The following SLC38A6 variants were observed in gnomAD, a reference collection of about 807,000 sequenced individuals.
SLC38A6 encodes the protein solute carrier family 38 member 6.
Under a neutral mutation model 65.0 loss-of-function variants are expected in SLC38A6, and 73 were observed. That is an observed-to-expected ratio of 1.12 (90% CI 0.93 to 1.37). SLC38A6 has a LOEUF of 1.37. Ranked by LOEUF, SLC38A6 falls within the 40% of genes most tolerant of loss-of-function variation. The pLI, the probability that SLC38A6 is intolerant of heterozygous loss-of-function variation, is 0.00. For missense variants in SLC38A6, 561 were observed against 531.1 expected, an observed-to-expected ratio of 1.06 and a Z score of -0.55; for synonymous variants, 183 against 178.8, an observed-to-expected ratio of 1.02 and a Z score of -0.19.
chr14:61,037,563 T>G (rs190708045), intron 7 of SLC38A6, 62 bp from the exon 8 acceptor site: 295 of 1,168,630 alleles, frequency 2.5e-4, no homozygotes, highest in Non-Finnish European at 3.5e-4. Context: ...ATGTATAGCT[T>G]TAGTTGTACG....
chr14:61,014,797 G>C lies in SLC38A6; in HGVS notation c.311-1107G>C, dbSNP rs140851871. 3.9e-3 allele frequency among the ~76,000 whole-genome samples: 600 copies of C among 152,302 alleles called. 9 individuals carry two copies. The highest frequency in any genetic ancestry group is 0.014 in the African/African-American group (581 of 41,580). On this transcript the variant is annotated intron_variant, in intron 3 of 15. Transcript: ENST00000267488. ...TGTGAGGTGTCAGTCTGCCCCTACA[G>C]GGGGGTGCCTCCCAGTTAGGCTCCT...
intron 15 of SLC38A6, among the ~76,000 whole-genome samples, chr14:61,062,200 C>T (rs2042872026): frequency 6.6e-6 from 1 of 152,298 alleles, no homozygotes; most frequent in Non-Finnish European, 1.5e-5. Context: ...ACAGTTCCTA[C>T]ACTGTATGGT....
chr14:61,040,464 C>T (rs1045312178), intron 8 of SLC38A6, among the ~76,000 whole-genome samples: 4 of 151,308 alleles, frequency 2.6e-5, no homozygotes, highest in African/African-American at 4.9e-5. Flanking sequence ...CTCAGCCTCA[C>T]GAGTAGCTGG....
intron 3 of SLC38A6, among the ~76,000 whole-genome samples, chr14:61,011,044 C>A (rs1234571604): frequency 6.6e-6 from 1 of 152,096 alleles, no homozygotes; most frequent in East Asian, 1.9e-4. Context: ...TTGTTTGTAT[C>A]TTCTTTTATT....
At chr14:61,012,734 C>G (rs2039676875) in intron 3 of SLC38A6, among the ~76,000 whole-genome samples, 1 of 151,712 alleles carries the variant, frequency 6.6e-6, no homozygotes, top group Admixed American at 6.6e-5. Flanking sequence ...TTTGATTGCA[C>G]TGTGGTCTGA....
chr14:61,020,765 A>G (rs536464193), intron 5 of SLC38A6, among the ~76,000 whole-genome samples: 11 of 152,306 alleles, frequency 7.2e-5, no homozygotes, highest in African/African-American at 2.6e-4. Context: ...TAATTTATTT[A>G]GCAACTAAGT....
chr14:61,021,960 G>T (rs1312206090), intron 5 of SLC38A6, among the ~76,000 whole-genome samples: 1 of 152,088 alleles, frequency 6.6e-6, no homozygotes, highest in African/African-American at 2.4e-5. Flanking sequence ...CTCTGCCATT[G>T]GGTAGCCATG....
downstream of SLC38A6, among the ~76,000 whole-genome samples, chr14:61,053,180 A>G (rs1438926479): frequency 6.6e-6 from 1 of 151,984 alleles, no homozygotes; most frequent in Admixed American, 6.6e-5. Context: ...CTCCACCTCC[A>G]TCCATGTTCC....
rs146468840 is a variant in SLC38A6 at position 61,011,032 on chromosome 14, A to G, written c.311-4872A>G. On this transcript the variant is annotated intron_variant, in intron 3 of 15. Transcript: ENST00000267488. Reference sequence around the variant, plus strand: ...ACCCATGCGCATGGAATGTTCTTCCATTTGTTTGTATCTTCTTTTATTTCA... The same window carrying G: ...ACCCATGCGCATGGAATGTTCTTCCGTTTGTTTGTATCTTCTTTTATTTCA... Among the ~76,000 whole-genome samples the G allele has an allele frequency of 1.2e-3, 180 of 152,094 alleles. No individual in the cohort carries two copies. The East Asian group carries it at 0.023, about 19-fold the overall frequency.
chr14:60,982,687 A>G, intron 2 of SLC38A6, 49 bp downstream of exon 2: 5 of 1,566,656 alleles, frequency 3.2e-6, no homozygotes, highest in Non-Finnish European at 4.3e-6. Flanking sequence ...TTTTGATAAT[A>G]TACGGAGAAG....
chr14:61,073,215 T>G (rs1379124036), intron 15 of SLC38A6, among the ~76,000 whole-genome samples: 1 of 152,236 alleles, frequency 6.6e-6, no homozygotes, highest in African/African-American at 2.4e-5. Context: ...TTTTGCCCAT[T>G]TTTTGATTGG....
At chr14:61,016,055 A>G in intron 4 of SLC38A6, 99 bp downstream of exon 4, 1 of 812,882 alleles carries the variant, frequency 1.2e-6, no homozygotes, top group African/African-American at 1.7e-5. Context: ...GGAAGACATT[A>G]GAGGAATAAA....
intron 3 of SLC38A6, among the ~76,000 whole-genome samples, chr14:61,011,259 A>C (rs1051756534): frequency 3.3e-5 from 5 of 152,214 alleles, no homozygotes; most frequent in African/African-American, 1.2e-4. Flanking sequence ...GAAGTTGCCT[A>C]TCAGCTTAAG....
rs763570997 is a variant in SLC38A6 at position 61,050,578 on chromosome 14, CTG to C, written c.995_996del (p.Val332GlufsTer58). 5 of 1,598,004 alleles carry C rather than the reference CTG, an allele frequency of 3.1e-6. No individual in the cohort carries two copies. Among genetic ancestry groups the C allele is most frequent in the East Asian group, 4.5e-5 (2 of 44,604 alleles). On this transcript the variant is annotated frameshift_variant, in exon 13 of 16. Coordinates refer to ENST00000267488, the MANE Select transcript of SLC38A6 (RefSeq NM_153811.3). LOFTEE classifies it high-confidence loss of function. ...TTATCACATGATGTTGTTGTCATGA[CTG>C]TGAAGTTATGCATACTATTTGCTGT...
At chr14:61,022,714 C>T (rs1170401313) in intron 5 of SLC38A6, among the ~76,000 whole-genome samples, 1 of 151,660 alleles carries the variant, frequency 6.6e-6, no homozygotes, top group East Asian at 1.9e-4. Flanking sequence ...CTGACTTTTG[C>T]AGTGGTTGTT....
At chr14:61,072,842 G>A (rs2043275995) in intron 15 of SLC38A6, among the ~76,000 whole-genome samples, 1 of 152,170 alleles carries the variant, frequency 6.6e-6, no homozygotes, top group Non-Finnish European at 1.5e-5. Context: ...ACAAACATGG[G>A]AGTGCAGATA....
rs117560154 is a variant in SLC38A6 at position 61,046,084 on chromosome 14, T to C, written c.842T>C (p.Met281Thr). The change falls in exon 12 of 16, where the codon ATG (methionine) becomes ACG (threonine). Residue 281 changes from methionine to threonine, a missense_variant. Transcript: ENST00000267488. ...CELQSPSKKR[M>T]QNVTNTAIAL... The stretch of plus-strand genomic sequence containing the variant: ...TCTTTTAGTCCTTCAAAGAAAAGAA[T>C]GCAGAATGTTACCAATACAGCAATT... 1.1e-3 allele frequency: 1,700 copies of C among 1,608,638 alleles called. 13 individuals are homozygous for C. The East Asian group carries it at 0.026, about 25-fold the overall frequency.
chr14:61,035,069 A>T (rs1038246435), intron 6 of SLC38A6, among the ~76,000 whole-genome samples: 1 of 152,194 alleles, frequency 6.6e-6, no homozygotes, highest in Admixed American at 6.5e-5. Flanking sequence ...GCGTTATTGC[A>T]AAGTGGGAAT....
intron 5 of SLC38A6, among the ~76,000 whole-genome samples, chr14:61,029,032 C>G (rs1452629486): frequency 1.3e-5 from 2 of 151,940 alleles, no homozygotes; most frequent in Non-Finnish European, 2.9e-5. Flanking sequence ...AGATTTTTGC[C>G]ATTGAAACTT....
Sources: allele counts gnomAD v4.1 joint callset (sites outside exome capture counted in the v4.1 genomes callset), GRCh38; gene constraint gnomAD v4.1.1; transcripts MANE v1.5; gene names NCBI Gene and HGNC (gene_info 2026-07-23, HGNC 2026-07-21).